The following ATP2C2 variants were observed in gnomAD, a reference collection of about 807,000 sequenced individuals.
ATP2C2 encodes calcium-transporting ATPase type 2C member 2.
Under a neutral mutation model 110.8 loss-of-function variants are expected in ATP2C2, and 171 were observed. The ratio of observed to expected loss-of-function variants is 1.54; its 90% CI spans 1.36 to 1.75. The LOEUF (loss-of-function observed/expected upper bound fraction) is 1.75, where lower values mean the gene tolerates loss of function less well. Ranked by LOEUF, ATP2C2 falls within the 40% of genes most tolerant of loss-of-function variation. ATP2C2 has a pLI of 0.00. For synonymous variants in ATP2C2, 804 were observed against 508.4 expected (o/e 1.58, Z -7.82); for missense variants, 1,963 against 1,235.0 (o/e 1.59, Z -8.84).
intron 11 of ATP2C2, among the ~76,000 whole-genome samples, chr16:84,427,911 A>G (rs1357810577): frequency 6.6e-6 from 1 of 152,176 alleles, no homozygotes; most frequent in Non-Finnish European, 1.5e-5. Context: ...CCATTCAATT[A>G]TATATGTTAA....
At chr16:84,410,642 C>T (rs770330470) in intron 5 of ATP2C2, 39 bp downstream of exon 5, 43 of 1,613,462 alleles carry the variant, frequency 2.7e-5, no homozygotes, top group Middle Eastern at 1.6e-4. Flanking sequence ...GTAAGCTGGG[C>T]GGGACAGGAG....
At chr16:84,422,123 A>G (rs900379402) in intron 7 of ATP2C2, among the ~76,000 whole-genome samples, 1 of 152,114 alleles carries the variant, frequency 6.6e-6, no homozygotes, top group Non-Finnish European at 1.5e-5. Context: ...TAAAATAGCC[A>G]TCACCTTCAT....
At chr16:84,448,739 G>A (rs765441113) in intron 17 of ATP2C2, 50 bp downstream of exon 17, 1 of 1,568,580 alleles carries the variant, frequency 6.4e-7, no homozygotes, top group South Asian at 1.2e-5. Context: ...ATGTAACATT[G>A]ACTTTTAAGT....
intron 6 of ATP2C2, among the ~76,000 whole-genome samples, chr16:84,413,988 G>T (rs755219034): frequency 1.6e-4 from 24 of 152,058 alleles, no homozygotes; most frequent in Admixed American, 3.3e-4. Flanking sequence ...GAATTGTCCA[G>T]GTACACAAAA....
chr16:84,432,625 A>G (rs1908383797), intron 11 of ATP2C2, among the ~76,000 whole-genome samples: 1 of 152,028 alleles, frequency 6.6e-6, no homozygotes, highest in Admixed American at 6.6e-5. Context: ...GGTTCAAACT[A>G]TTCTCCTGCC....
At position 84,460,636 on chromosome 16, in the gene ATP2C2, G is replaced by C; in HGVS notation, c.2334-18G>C. Reference sequence around the variant, plus strand: ...ATTCCTGGTTCATTTCAAAGTGTCTGTGTCTTGTTCGGAGCAGCTTGGGGG... The same window carrying C: ...ATTCCTGGTTCATTTCAAAGTGTCTCTGTCTTGTTCGGAGCAGCTTGGGGG... On this transcript the variant is annotated intron_variant, in intron 23 of 26. Coordinates refer to ENST00000262429, the MANE Select transcript of ATP2C2 (RefSeq NM_014861.4). 2 of 1,614,158 alleles carry C rather than the reference G, an allele frequency of 1.2e-6. No homozygotes were observed. The highest frequency in any genetic ancestry group is 1.7e-6 in the Non-Finnish European group (2 of 1,180,008).
intron 15 of ATP2C2, 44 bp from the exon 16 acceptor site, chr16:84,446,285 G>C (rs146350833): frequency 4.2e-6 from 5 of 1,197,008 alleles, no homozygotes; most frequent in African/African-American, 3.1e-5. Context: ...TATAGAGATT[G>C]GCTTCGGATG....
intron 20 of ATP2C2, among the ~76,000 whole-genome samples, chr16:84,453,654 A>G (rs1281280541): frequency 1.3e-5 from 2 of 152,144 alleles, no homozygotes; most frequent in Admixed American, 1.3e-4. Context: ...TCACGGGCCC[A>G]GGTTTAGCTG....
At chr16:84,432,821 G>A (rs974168377) in intron 11 of ATP2C2, among the ~76,000 whole-genome samples, 3 of 152,064 alleles carry the variant, frequency 2.0e-5, no homozygotes, top group Non-Finnish European at 4.4e-5. Context: ...GCGCCTGGCT[G>A]AGACTCATAT....
intron 2 of ATP2C2, 189 bp from the exon 3 acceptor site, chr16:84,404,939 T>C (rs1285619835): frequency 1.4e-6 from 1 of 696,240 alleles, no homozygotes; most frequent in African/African-American, 1.8e-5. Context: ...GGTCACTGGC[T>C]TGTGCCTTTT....
intron 1 of ATP2C2, among the ~76,000 whole-genome samples, chr16:84,394,970 G>T (rs1459934269): frequency 6.6e-6 from 1 of 152,088 alleles, no homozygotes; most frequent in Non-Finnish European, 1.5e-5. Context: ...CAACATTCAC[G>T]TGCGTCAGTA....
intron 15 of ATP2C2, among the ~76,000 whole-genome samples, chr16:84,443,762 C>A (rs1424206523): frequency 6.6e-6 from 1 of 152,214 alleles, no homozygotes; most frequent in African/African-American, 2.4e-5. Context: ...GTGCAAGACT[C>A]CAACCTCCCA....
At chr16:84,433,442 C>G (rs956127058) in intron 11 of ATP2C2, among the ~76,000 whole-genome samples, 9 of 151,908 alleles carry the variant, frequency 5.9e-5, no homozygotes, top group Non-Finnish European at 1.2e-4. Flanking sequence ...ATCATGAGTT[C>G]AGGAGTTTGA....
intron 10 of ATP2C2, among the ~76,000 whole-genome samples, 193 bp downstream of exon 10, chr16:84,423,456 C>T (rs952634883): frequency 1.3e-5 from 2 of 152,224 alleles, no homozygotes. Flanking sequence ...TAACAAGCAG[C>T]CACTACATTT....
At chr16:84,431,448 A>C (rs1295344531) in intron 11 of ATP2C2, among the ~76,000 whole-genome samples, 2 of 152,104 alleles carry the variant, frequency 1.3e-5, no homozygotes, top group Non-Finnish European at 2.9e-5. Flanking sequence ...GTGAGCCGAC[A>C]TCTCACCACT....
intron 1 of ATP2C2, among the ~76,000 whole-genome samples, chr16:84,386,645 T>C (rs376695863): frequency 9.8e-5 from 15 of 152,288 alleles, no homozygotes; most frequent in East Asian, 3.9e-4. Flanking sequence ...CGCACACAGG[T>C]ACTACCTAGA....
intron 9 of ATP2C2, 92 bp from the exon 10 acceptor site, chr16:84,423,096 A>G: frequency 9.3e-7 from 1 of 1,070,106 alleles, no homozygotes; most frequent in Non-Finnish European, 1.4e-6. Flanking sequence ...ATCATCACTG[A>G]AGCTGTAGGA....
At chr16:84,452,552 G>A (rs1400836647) in intron 18 of ATP2C2, among the ~76,000 whole-genome samples, 1 of 142,296 alleles carries the variant, frequency 7.0e-6, no homozygotes, top group Middle Eastern at 3.8e-3. Flanking sequence ...GGGCTGGAGT[G>A]CAGTAGTGCA....
At chr16:84,442,357 C>T (rs140140489) in intron 14 of ATP2C2, among the ~76,000 whole-genome samples, 153 bp from the exon 15 acceptor site, 4 of 152,138 alleles carry the variant, frequency 2.6e-5, no homozygotes, top group South Asian at 2.1e-4. Flanking sequence ...GAAATAGTCA[C>T]GATGTTTCTT....
Sources: allele counts gnomAD v4.1 joint callset (sites outside exome capture counted in the v4.1 genomes callset), GRCh38; gene constraint gnomAD v4.1.1; transcripts MANE v1.5; gene names NCBI Gene and HGNC (gene_info 2026-07-23, HGNC 2026-07-21).